The following TNIK variants were observed in gnomAD, a reference collection of about 807,000 sequenced individuals.
TNIK encodes the protein TRAF2 and NCK interacting kinase, also known as TRAF2 and NCK-interacting protein kinase.
Under a neutral mutation model 191.3 loss-of-function variants are expected in TNIK, and 49 were observed. That is an observed-to-expected ratio of 0.26 (90% confidence interval 0.20 to 0.32). TNIK has a LOEUF of 0.32. TNIK is among the 10% of genes least tolerant of loss of function. TNIK has a pLI of 1.00. For missense variants in TNIK, 1,155 were observed against 1,702.3 expected (o/e 0.68, Z 5.66); for synonymous variants, 594 against 600.9 (o/e 0.99, Z 0.17).
intron 28 of TNIK, among the ~76,000 whole-genome samples, chr3:171,075,198 T>G (rs1424862787): frequency 6.6e-6 from 1 of 152,224 alleles, no homozygotes; most frequent in Non-Finnish European, 1.5e-5. Context: ...ATTTGATCAC[T>G]AGAAATCTTT....
intron 22 of TNIK, among the ~76,000 whole-genome samples, chr3:171,096,080 A>T (rs897256501): frequency 1.3e-5 from 2 of 152,180 alleles, no homozygotes; most frequent in African/African-American, 4.8e-5. Context: ...AAAGCCAATA[A>T]ATCAATGAAG....
chr3:171,221,497 C>G (rs1226856497), intron 3 of TNIK, among the ~76,000 whole-genome samples: 1 of 152,160 alleles, frequency 6.6e-6, no homozygotes, highest in East Asian at 1.9e-4. Context: ...CTTAAATTCT[C>G]TCTTCATACT....
At chr3:171,230,819 C>G (rs918150312) in intron 2 of TNIK, among the ~76,000 whole-genome samples, 1 of 152,158 alleles carries the variant, frequency 6.6e-6, no homozygotes, top group Admixed American at 6.5e-5. Flanking sequence ...CCCTCTCTCC[C>G]TCTCTGGTCT....
chr3:171,258,266 T>G (rs1330416609), intron 2 of TNIK, among the ~76,000 whole-genome samples: 3 of 152,190 alleles, frequency 2.0e-5, no homozygotes, highest in African/African-American at 7.2e-5. Context: ...CTCCTACCAC[T>G]GTGGAGGAAT....
In TNIK at chr3:171,082,360, C is replaced by G; in HGVS notation, c.3204G>C (p.Leu1068=). The G allele has an allele frequency of 6.2e-7, 1 of 1,613,892 alleles. No individual in the cohort carries two copies. Among genetic ancestry groups the G allele is most frequent in the Non-Finnish European group, 8.5e-7 (1 of 1,179,818 alleles). The stretch of plus-strand genomic sequence containing the variant: ...CTTGCCCACTTCGGTCCAAAAGCAT[C>G]AGGCCATTTTCAGTCCCCACCAGAA... The part of the protein sequence containing the change: ...VNLLVGTENG[L]MLLDRSGQGK... The change falls in exon 27 of 33, where the codon CTG becomes CTC. Residue 1068 remains leucine (L), a synonymous_variant. Transcript: ENST00000436636.
chr3:171,301,418 G>A (rs895293232), intron 2 of TNIK, among the ~76,000 whole-genome samples: 3 of 151,286 alleles, frequency 2.0e-5, no homozygotes, highest in African/African-American at 7.3e-5. Context: ...GGGTTCAAGC[G>A]ATTCTGCTGC....
At chr3:171,252,082 G>A (rs892572550) in intron 2 of TNIK, among the ~76,000 whole-genome samples, 17 of 151,794 alleles carry the variant, frequency 1.1e-4, no homozygotes, top group South Asian at 4.2e-4. Flanking sequence ...GTGTGTGTGC[G>A]TGTGTGTGTG....
chr3:171,269,588 C>G (rs1048132165), intron 2 of TNIK, among the ~76,000 whole-genome samples: 1 of 152,190 alleles, frequency 6.6e-6, no homozygotes, highest in Non-Finnish European at 1.5e-5. Context: ...AAAACAGAAC[C>G]ACAGACACAA....
chr3:171,262,358 T>C (rs1015952270), intron 2 of TNIK, among the ~76,000 whole-genome samples: 1 of 152,068 alleles, frequency 6.6e-6, no homozygotes, highest in Non-Finnish European at 1.5e-5. Flanking sequence ...CACTTTCATC[T>C]GAAAGTGATT....
At chr3:171,176,792 A>G (rs1387504363) in intron 8 of TNIK, among the ~76,000 whole-genome samples, 1 of 152,016 alleles carries the variant, frequency 6.6e-6, no homozygotes, top group East Asian at 1.9e-4. Flanking sequence ...CATGACAGAG[A>G]CTCTCTGCTG....
At chr3:171,408,344 G>A (rs992294857) in intron 1 of TNIK, among the ~76,000 whole-genome samples, 4 of 152,066 alleles carry the variant, frequency 2.6e-5, no homozygotes, top group African/African-American at 9.7e-5. Context: ...TATTTAATAA[G>A]CTTTTAGGAA....
intron 2 of TNIK, among the ~76,000 whole-genome samples, chr3:171,233,289 T>A (rs1360559037): frequency 6.7e-6 from 1 of 149,504 alleles, no homozygotes; most frequent in Non-Finnish European, 1.5e-5. Context: ...CCACTGATCA[T>A]AACCAGCACT....
In TNIK at chr3:171,174,291, C is replaced by G. The variant is rs145980843; in HGVS notation, c.773+961G>C. ...GAAACATGAGGACCCCAGTCAAGCG[C>G]CTGATCATGAAGGGCTATGGAAAGG... On this transcript the variant is annotated intron_variant, in intron 9 of 32. Transcript: ENST00000436636. 5.3e-5 allele frequency among the ~76,000 whole-genome samples: 8 copies of G among 152,190 alleles called. No homozygotes were observed. The East Asian group carries it at 1.5e-3, about 29-fold the overall frequency.
chr3:171,223,798 T>C (rs1422464431), intron 3 of TNIK, among the ~76,000 whole-genome samples: 1 of 152,190 alleles, frequency 6.6e-6, no homozygotes, highest in African/African-American at 2.4e-5. Flanking sequence ...AAAATGTAAT[T>C]AGAGAAACAC....
chr3:171,280,282 C>G lies in TNIK; in HGVS notation c.124-52061G>C, dbSNP rs143435177. On this transcript the variant is annotated intron_variant, in intron 2 of 32. Transcript: ENST00000436636. ...CTCAACAGTTCTCACAGCTGCTGAC[C>G]ACTGTAGATGAGAATTTTTGAACTG... 2.0e-5 allele frequency among the ~76,000 whole-genome samples: 3 copies of G among 152,254 alleles called. No homozygotes were observed. The East Asian group carries it at 5.8e-4, about 29-fold the overall frequency.
At chr3:171,217,519 A>C (rs191502331) in intron 3 of TNIK, among the ~76,000 whole-genome samples, 23 of 152,266 alleles carry the variant, frequency 1.5e-4, no homozygotes, top group Admixed American at 3.9e-4. Context: ...TCAAACCTGC[A>C]CATGTACCTC....
chr3:171,281,211 G>C (rs1750390359), intron 2 of TNIK, among the ~76,000 whole-genome samples: 1 of 152,008 alleles, frequency 6.6e-6, no homozygotes, highest in African/African-American at 2.4e-5. Context: ...CAGTCTGAAG[G>C]TAAAGCATTG....
rs531481040 is a variant in TNIK, at chr3:171,110,957, T to C, written c.2121-80A>G. On this transcript the variant is annotated intron_variant, in intron 18 of 32. Transcript: ENST00000436636. ...AGATCACATATCTGATAAGGTTTAA[T>C]ACCCAAAATATGTAAGGAACTCAAA... 116 of 1,363,516 alleles carry C rather than the reference T, an allele frequency of 8.5e-5. No individual in the cohort carries two copies. In the African/African-American group the frequency reaches 1.5e-3, roughly 18 times the overall value. 84.5% of individuals were successfully genotyped at this position (1,363,516 alleles called of 1,614,324 possible).
intron 1 of TNIK, among the ~76,000 whole-genome samples, chr3:171,457,386 C>A (rs1728904766): frequency 6.6e-6 from 1 of 152,162 alleles, no homozygotes; most frequent in Admixed American, 6.5e-5. Context: ...ACAAAAAGAG[C>A]ATTGACTGTG....
Sources: gnomAD v4.1 joint callset for allele counts (sites outside exome capture counted in the v4.1 genomes callset) on GRCh38, gnomAD v4.1.1 for gene constraint, MANE v1.5 for transcripts, NCBI Gene and HGNC (gene_info 2026-07-23, HGNC 2026-07-21) for gene names.